DLGAP1: variants seen among roughly 807,000 people sequenced by gnomAD.
DLGAP1 encodes disks large-associated protein 1.
In DLGAP1, 11 loss-of-function variants were observed where a neutral mutation model predicts 90.8. The observed-to-expected ratio is 0.12, with a 90% CI of 0.08 to 0.20. The LOEUF is 0.20. Ranked by LOEUF, DLGAP1 falls within the 10% of genes least tolerant of loss-of-function variation. The probability of loss-of-function intolerance (pLI) is 1.00; values close to 1 mark genes in which losing one functional copy is unlikely to be tolerated. For synonymous variants in DLGAP1, 558 were observed against 540.7 expected (o/e 1.03, Z -0.44); for missense variants, 1,050 against 1,333.8 (o/e 0.79, Z 3.31).
At chr18:3,694,966 G>T (rs1398076920) in intron 7 of DLGAP1, among the ~76,000 whole-genome samples, 2 of 110,908 alleles carry the variant, frequency 1.8e-5, no homozygotes, top group African/African-American at 3.8e-5. Context: ...TTGAGACAGA[G>T]TCTTGTTCTG....
At chr18:4,036,600 G>A (rs973783476) in intron 2 of DLGAP1, among the ~76,000 whole-genome samples, 3 of 152,146 alleles carry the variant, frequency 2.0e-5, no homozygotes, top group Non-Finnish European at 2.9e-5. Context: ...CTGAACATGC[G>A]TTCTAAATAC....
Position 3,498,488 on chromosome 18 carries a change from T to C in DLGAP1, c.*697A>G, listed in dbSNP as rs1021815602. On this transcript the variant is annotated 3_prime_UTR_variant, in exon 13 of 13. Coordinates refer to ENST00000315677, the MANE Select transcript of DLGAP1 (RefSeq NM_004746.4). ...CTGCTGATTGAGACATTTGAAGCTG[T>C]GATTGATGAAGTAACAGTGAGGCAG... 2 of 152,150 alleles carry C rather than the reference T, an allele frequency of 1.3e-5. No individual in the cohort carries two copies. The highest frequency in any genetic ancestry group is 2.4e-5 in the African/African-American group (1 of 41,424). 9.4% of individuals were successfully genotyped at this position (152,150 alleles called of 1,614,324 possible). A position where few individuals can be genotyped will look rare whatever the true frequency, so the allele number is the denominator to read the frequency against.
At chr18:3,990,780 T>C (rs979676752) in intron 3 of DLGAP1, among the ~76,000 whole-genome samples, 2 of 151,902 alleles carry the variant, frequency 1.3e-5, no homozygotes, top group African/African-American at 2.4e-5. Flanking sequence ...TAAAGCCAGA[T>C]TTGCCTTCTA....
chr18:3,502,087 G>T, intron 12 of DLGAP1: 1 of 917,194 alleles, frequency 1.1e-6, no homozygotes, highest in South Asian at 5.1e-5. Flanking sequence ...ATTTTTCAGG[G>T]CATCCTATTT....
chr18:4,246,484 A>G (rs2078654865), intron 1 of DLGAP1, among the ~76,000 whole-genome samples: 2 of 152,158 alleles, frequency 1.3e-5, no homozygotes, highest in African/African-American at 2.4e-5. Flanking sequence ...GGGTGCAGAG[A>G]ACTCAGCAGG....
intron 2 of DLGAP1, among the ~76,000 whole-genome samples, chr18:4,017,078 G>T (rs778788810): frequency 6.6e-6 from 1 of 152,120 alleles, no homozygotes; most frequent in Non-Finnish European, 1.5e-5. Flanking sequence ...ATCACGTTTG[G>T]GTAGTCAAAA....
chr18:3,644,200 A>G (rs562657421), intron 7 of DLGAP1, among the ~76,000 whole-genome samples: 1 of 152,286 alleles, frequency 6.6e-6, no homozygotes, highest in South Asian at 2.1e-4. Flanking sequence ...GTGGAGCAGG[A>G]ATCTCCTGCA....
chr18:3,999,780 C>T (rs574182802), intron 3 of DLGAP1, among the ~76,000 whole-genome samples: 2 of 152,172 alleles, frequency 1.3e-5, no homozygotes, highest in South Asian at 2.1e-4. Context: ...TTTGCTTGTG[C>T]GCATGTGTTC....
chr18:3,559,710 C>T (rs186506805), intron 9 of DLGAP1, among the ~76,000 whole-genome samples: 41 of 151,026 alleles, frequency 2.7e-4, no homozygotes, highest in African/African-American at 4.1e-4. Flanking sequence ...GCAACCTCTG[C>T]CTCCTGGGTT....
In DLGAP1 at chr18:3,497,987, C is replaced by T. The variant is rs900252653; in HGVS notation, c.*1198G>A. Reference sequence around the variant, plus strand: ...GCAAAAATTTATTTTAGCCATTTGACACAGGACAGAATCCTATGCTAGGTA... The same window carrying T: ...GCAAAAATTTATTTTAGCCATTTGATACAGGACAGAATCCTATGCTAGGTA... On this transcript the variant is annotated 3_prime_UTR_variant, in exon 13 of 13. Transcript: ENST00000315677. The T allele has an allele frequency of 2.6e-5, 4 of 152,182 alleles. No homozygotes were observed. The highest frequency in any genetic ancestry group is 5.9e-5 in the Non-Finnish European group (4 of 68,048). 9.4% of individuals were successfully genotyped at this position (152,182 alleles called of 1,614,324 possible).
At chr18:3,835,509 C>T (rs751824801) in intron 4 of DLGAP1, among the ~76,000 whole-genome samples, 5 of 151,782 alleles carry the variant, frequency 3.3e-5, no homozygotes, top group Admixed American at 1.3e-4. Flanking sequence ...ATTAGCTGGG[C>T]GTGGTGGCGC....
At chr18:4,205,205 G>C (rs180951752) in intron 1 of DLGAP1, among the ~76,000 whole-genome samples, 3 of 152,056 alleles carry the variant, frequency 2.0e-5, no homozygotes, top group African/African-American at 4.8e-5. Context: ...AGATGTTCTC[G>C]GGAGGTTAAG....
At chr18:3,863,940 C>T (rs1269424571) in intron 4 of DLGAP1, among the ~76,000 whole-genome samples, 2 of 152,156 alleles carry the variant, frequency 1.3e-5, no homozygotes, top group African/African-American at 2.4e-5. Flanking sequence ...AACTTGGGTA[C>T]CTTAGAAAAT....
intron 1 of DLGAP1, among the ~76,000 whole-genome samples, chr18:4,306,111 A>G (rs2080253581): frequency 1.3e-5 from 2 of 151,618 alleles, no homozygotes; most frequent in African/African-American, 4.8e-5. Context: ...AGGGAGAGAA[A>G]TTAAATAACA....
At chr18:4,267,796 A>G (rs1018853113) in intron 1 of DLGAP1, among the ~76,000 whole-genome samples, 3 of 152,300 alleles carry the variant, frequency 2.0e-5, no homozygotes, top group Admixed American at 6.5e-5. Flanking sequence ...GCTGTTGACA[A>G]GAGGCTTCAC....
intron 12 of DLGAP1, among the ~76,000 whole-genome samples, chr18:3,500,353 G>A (rs774252738): frequency 6.6e-6 from 1 of 152,104 alleles, no homozygotes; most frequent in African/African-American, 2.4e-5. Flanking sequence ...GACTGTGAAA[G>A]GGTGCACATA....
At chr18:4,196,085 T>C (rs2077492642) in intron 1 of DLGAP1, among the ~76,000 whole-genome samples, 1 of 152,178 alleles carries the variant, frequency 6.6e-6, no homozygotes, top group African/African-American at 2.4e-5. Flanking sequence ...CAGTGCTTCA[T>C]TCAATACTTA....
At chr18:4,178,675 G>A (rs1282185808) in intron 1 of DLGAP1, among the ~76,000 whole-genome samples, 21 of 151,978 alleles carry the variant, frequency 1.4e-4, no homozygotes, top group Non-Finnish European at 5.9e-5. Flanking sequence ...GACTGTAAAG[G>A]ACATGCTTTT....
Position 3,847,906 on chromosome 18 carries a change from T to C in DLGAP1, c.957+31206A>G, listed in dbSNP as rs551937974. On this transcript the variant is annotated intron_variant, in intron 4 of 12. Coordinates refer to ENST00000315677, the MANE Select transcript of DLGAP1 (RefSeq NM_004746.4). ...GTGTCTCACTTCTGTAATCCCAACA[T>C]TTTGGGAAGCTGAGATGTTTGAGAC... Among the ~76,000 whole-genome samples, 43 of 151,688 alleles carry C rather than the reference T, an allele frequency of 2.8e-4. No individual in the cohort carries two copies. In the East Asian group the frequency reaches 6.4e-3, roughly 23 times the overall value.
Sources: gnomAD v4.1 joint callset for allele counts (sites outside exome capture counted in the v4.1 genomes callset) on GRCh38, gnomAD v4.1.1 for gene constraint, MANE v1.5 for transcripts, NCBI Gene and HGNC (gene_info 2026-07-23, HGNC 2026-07-21) for gene names.